The following AKAP8 variants were observed in gnomAD, a reference collection of about 807,000 sequenced individuals.
AKAP8 encodes the protein A-kinase anchor protein 8.
In AKAP8, 24 loss-of-function variants were observed where a neutral mutation model predicts 67.5. That is an observed-to-expected ratio of 0.36 (90% CI 0.26 to 0.50). The LOEUF (loss-of-function observed/expected upper bound fraction) is 0.50, where lower values mean the gene tolerates loss of function less well. AKAP8 is among the 20% of genes least tolerant of loss of function. The probability of loss-of-function intolerance (pLI) is 0.97; values close to 1 mark genes in which losing one functional copy is unlikely to be tolerated. For missense variants in AKAP8, 971 were observed against 955.9 expected (o/e 1.02, Z -0.21); for synonymous variants, 400 against 371.1 (o/e 1.08, Z -0.90).
chr19:15,366,322 TAAAAAG>T (rs1967069949), intron 9 of AKAP8, among the ~76,000 whole-genome samples: 1 of 151,996 alleles, frequency 6.6e-6, no homozygotes, highest in African/African-American at 2.4e-5. Context: ...TAAAAATAAT[TAAAAAG>T]AAAATGTCAT....
At chr19:15,368,691 TC>T (rs1967107821) in intron 8 of AKAP8, 2 of 985,010 alleles carry the variant, frequency 2.0e-6, no homozygotes, top group Non-Finnish European at 2.4e-6. Context: ...AAGCCAATTC[TC>T]CCCGGATGAA....
chr19:15,364,374 G>A (rs551839667), intron 9 of AKAP8, among the ~76,000 whole-genome samples: 44 of 150,024 alleles, frequency 2.9e-4, no homozygotes, highest in African/African-American at 1.0e-3. Context: ...TTTTTGAGAC[G>A]GAGTCTCCCT....
chr19:15,367,254 G>A lies in AKAP8; in HGVS notation c.1160+981C>T, dbSNP rs146522427. On this transcript the variant is annotated intron_variant, in intron 9 of 13. Coordinates refer to ENST00000269701, the MANE Select transcript of AKAP8 (RefSeq NM_005858.4). ...ACACGACAATCACTGCCCAGACTGG[G>A]CGCAGTGGCTCACGCTTGTAATACC... is the stretch of plus-strand genomic sequence containing the variant. Among the ~76,000 whole-genome samples, 117 of 152,306 alleles carry A rather than the reference G, an allele frequency of 7.7e-4. 1 individual carries two copies. In the East Asian group the frequency reaches 0.015, roughly 20 times the overall value.
chr19:15,367,058 C>T (rs976839293), intron 9 of AKAP8, among the ~76,000 whole-genome samples: 1 of 152,184 alleles, frequency 6.6e-6, no homozygotes, highest in Non-Finnish European at 1.5e-5. Flanking sequence ...CAGGCACCTG[C>T]CACCATGCCT....
At chr19:15,367,896 G>A (rs571293051) in intron 9 of AKAP8, among the ~76,000 whole-genome samples, 1 of 152,256 alleles carries the variant, frequency 6.6e-6, no homozygotes, top group African/African-American at 2.4e-5. Context: ...AGAGCCCGCT[G>A]CTGAGCAGTT....
In AKAP8 at chr19:15,361,835, G is replaced by A. The variant is rs1349414702; in HGVS notation, c.1303-13C>T. ...TTACAATGTATTCCTAGGTGGGATT[G>A]GAGAGGGCATAAAGTAAAATGAGAG... is the stretch of plus-strand genomic sequence containing the variant. On this transcript the variant is annotated splice_polypyrimidine_tract_variant and intron_variant, in intron 10 of 13. Coordinates refer to ENST00000269701, the MANE Select transcript of AKAP8 (RefSeq NM_005858.4). 3 of 1,605,370 alleles carry A rather than the reference G, an allele frequency of 1.9e-6. No homozygotes were observed. Among genetic ancestry groups the A allele is most frequent in the South Asian group, 2.2e-5 (2 of 90,898 alleles).
In AKAP8 at chr19:15,362,232, C is replaced by T; in HGVS notation, c.1180G>A (p.Val394Ile). The change falls in exon 10 of 14, where the codon GTA becomes ATA. Residue 394 changes from valine to isoleucine, a missense_variant. Physicochemically the swap from Val to Ile is conservative, Grantham distance 29. Coordinates refer to ENST00000269701, the MANE Select transcript of AKAP8 (RefSeq NM_005858.4). ...AADRIQFACS[V>I]CKFRSFDDEE... is the part of the protein sequence containing the mutation. ...TCATCAAAGCTACGGAACTTGCATA[C>T]AGAACAGGCAAACTGAATTCTGTAG... 4 of 1,614,090 alleles carry T rather than the reference C, an allele frequency of 2.5e-6. No individual in the cohort carries two copies. The highest frequency in any genetic ancestry group is 3.4e-6 in the Non-Finnish European group (4 of 1,180,000).
In AKAP8 at chr19:15,368,259, C is replaced by A; in HGVS notation, c.1136G>T (p.Arg379Met). ...CCTGTCGGCTGCACGGTCCCGCGTCCTGTCTCTTCTCCTTTGCTTTTCCCT... is the reference window on the plus strand; with the variant it reads ...CCTGTCGGCTGCACGGTCCCGCGTCATGTCTCTTCTCCTTTGCTTTTCCCT... ...KRREKQRRRD[R>M]TRDRAADRIQ... Residue 379 changes from arginine (R) to methionine (M), a missense_variant, in exon 9 of 14, where the codon AGG becomes ATG. Transcript: ENST00000269701. 1 of 1,613,260 alleles carries A rather than the reference C, an allele frequency of 6.2e-7. No homozygotes were observed. The highest frequency in any genetic ancestry group is 8.5e-7 in the Non-Finnish European group (1 of 1,179,972).
Position 15,373,996 on chromosome 19 carries a change from C to A in AKAP8, c.161G>T (p.Gly54Val). Residue 54 changes from glycine to valine, a missense_variant, in exon 4 of 14, where the codon GGC becomes GTC. Gly to Val is a moderately radical substitution (Grantham distance 109). Coordinates refer to ENST00000269701, the MANE Select transcript of AKAP8 (RefSeq NM_005858.4). ...CTTGGCGGCCTCCCACGAGGCTGGG[C>A]CGTAGCTGTAGGTTGCGCCTGTGGT... ...SVTTGATYSYGPASWEAAKAN... is the reference protein window; with the variant it reads ...SVTTGATYSYVPASWEAAKAN... 1 of 1,611,972 alleles carries A rather than the reference C, an allele frequency of 6.2e-7. No individual in the cohort carries two copies. Among genetic ancestry groups the A allele is most frequent in the Non-Finnish European group, 8.5e-7 (1 of 1,179,254 alleles).
At position 15,373,089 on chromosome 19, in the gene AKAP8, T is replaced by C. The variant is rs1967189857; in HGVS notation, c.623A>G (p.Asp208Gly). ...RSNPGTFMRS[D>G]PFVPPAASSE... ...GGACGCAGCGGGGGGCACGAAGGGG[T>C]CGCTGCGCATGAAGGTGCCAGGGTT... The change falls in exon 5 of 14, where the codon GAC becomes GGC. Residue 208 changes from aspartate (D) to glycine (G), a missense_variant. Around this residue, in one of 3 missense-constraint regions of AKAP8, gnomAD observed 763 missense variants for 745.4 expected, o/e 1.02. Coordinates refer to ENST00000269701, the MANE Select transcript of AKAP8 (RefSeq NM_005858.4). The C allele has an allele frequency of 6.2e-7, 1 of 1,611,318 alleles. No homozygotes were observed.
intron 9 of AKAP8, among the ~76,000 whole-genome samples, chr19:15,366,847 G>A (rs2145074509): frequency 6.6e-6 from 1 of 152,256 alleles, no homozygotes; most frequent in African/African-American, 2.4e-5. Flanking sequence ...AACCTCAGGT[G>A]ATCCGCCTGC....
chr19:15,373,073 G>C lies in AKAP8; in HGVS notation c.639C>G (p.Pro213=). Residue 213 remains proline, a synonymous_variant, in exon 5 of 14, where the codon CCC becomes CCG. Transcript: ENST00000269701. ...TFMRSDPFVP[P]AASSEPLSTP... ...TGGACAGGGGCTCAGAGGACGCAGCGGGGGGCACGAAGGGGTCGCTGCGCA... is the reference window on the plus strand; with the variant it reads ...TGGACAGGGGCTCAGAGGACGCAGCCGGGGGCACGAAGGGGTCGCTGCGCA... The C allele has an allele frequency of 1.2e-6, 2 of 1,609,630 alleles. No homozygotes were observed. The highest frequency in any genetic ancestry group is 1.7e-6 in the Non-Finnish European group (2 of 1,178,276).
At chr19:15,361,602 T>G in intron 11 of AKAP8, 127 bp downstream of exon 11, 2 of 749,274 alleles carry the variant, frequency 2.7e-6, no homozygotes, top group Non-Finnish European at 4.6e-6. Context: ...TCCGCCTGCC[T>G]CAGCCTCCCA....
intron 12 of AKAP8, among the ~76,000 whole-genome samples, chr19:15,359,694 G>A (rs1966934231): frequency 6.6e-6 from 1 of 151,650 alleles, no homozygotes; most frequent in Admixed American, 6.6e-5. Flanking sequence ...GCAATGGAGT[G>A]AGACTCTGTC....
In AKAP8 at chr19:15,355,355, T is replaced by A; in HGVS notation, c.1639A>T (p.Thr547Ser). Residue 547 changes from threonine to serine, a missense_variant, in exon 14 of 14, where the codon ACC (threonine) becomes TCC (serine). This residue lies in a region of AKAP8 where 4 missense variants were observed against 17.5 expected (regional missense o/e 0.23). Transcript: ENST00000269701. The stretch of plus-strand genomic sequence containing the variant: ...ATTTCTGGATCAACAGTTTCACTGG[T>A]GAAAGGGTCCTCACCCTGGCCAAAG... ...EKYLKGEDPF[T>S]SETVDPEMEG... 6.2e-7 allele frequency: 1 copy of A among 1,613,222 alleles called. No homozygotes were observed. The highest frequency in any genetic ancestry group is 8.5e-7 in the Non-Finnish European group (1 of 1,179,792).
intron 2 of AKAP8, among the ~76,000 whole-genome samples, chr19:15,375,948 TGA>T (rs1967245512): frequency 6.6e-6 from 1 of 151,570 alleles, no homozygotes; most frequent in Non-Finnish European, 1.5e-5. Flanking sequence ...TTTTTTTTTT[TGA>T]GACAGGGTCG....
chr19:15,365,611 G>C (rs1048274077), intron 9 of AKAP8, among the ~76,000 whole-genome samples: 1 of 152,202 alleles, frequency 6.6e-6, no homozygotes, highest in Non-Finnish European at 1.5e-5. Flanking sequence ...CTACGTAGGC[G>C]GGGAGGGGAC....
At chr19:15,361,022 A>T in intron 11 of AKAP8, 44 bp from the exon 12 acceptor site, 1 of 1,597,182 alleles carries the variant, frequency 6.3e-7, no homozygotes. Context: ...ACAGCAAGTG[A>T]TGCTTTCCTC....
chr19:15,375,167 G>C (rs1380446235), intron 2 of AKAP8, among the ~76,000 whole-genome samples: 1 of 152,222 alleles, frequency 6.6e-6, no homozygotes, highest in African/African-American at 2.4e-5. Flanking sequence ...CTCAGGCTCA[G>C]AAAACAAAGG....
Sources: allele counts gnomAD v4.1 joint callset (sites outside exome capture counted in the v4.1 genomes callset), GRCh38; gene constraint gnomAD v4.1.1; regional missense constraint gnomAD v4.1.1; transcripts MANE v1.5; gene names NCBI Gene and HGNC (gene_info 2026-07-23, HGNC 2026-07-21).